ELF3: variants seen among roughly 807,000 people sequenced by gnomAD.
ELF3 encodes the protein ETS-related transcription factor Elf-3.
ELF3 carries 18 observed loss-of-function variants against 43.9 expected under a neutral mutation model. That is an observed-to-expected ratio of 0.41 (90% CI 0.28 to 0.61). The LOEUF (loss-of-function observed/expected upper bound fraction) is 0.61. Among genes scored for constraint, ELF3 ranks in the 20% least tolerant of loss-of-function variants. The pLI is 0.30. For synonymous variants in ELF3, 181 were observed against 190.2 expected (o/e 0.95, Z 0.40); for missense variants, 373 against 487.7 (o/e 0.76, Z 2.21).
rs1558274376 is a variant in ELF3 at position 202,013,713 on chromosome 1, G to C, written c.806-116G>C. On this transcript the variant is annotated intron_variant, in intron 7 of 8. Transcript: ENST00000367284. The surrounding 1 kb of genome is among the most constrained non-coding windows in gnomAD (Gnocchi z 5.7). ...CACAGAGGGCACTGCGGGGTCTCTG[G>C]AGAGGCTTGCTGCATGCTGTGGCCA... The C allele has an allele frequency of 1.1e-5, 13 of 1,186,012 alleles. No homozygotes were observed. The highest frequency in any genetic ancestry group is 1.5e-5 in the Non-Finnish European group (13 of 852,090). The allele number at this position is 1,186,012 out of a possible 1,614,324, so 73.5% of individuals were successfully genotyped here.
In ELF3 at chr1:202,010,821, G is replaced by A. The variant is rs915761799; in HGVS notation, c.-9+115G>A. ...CAGTCTAGGATCTCCGAGCAAGAGC[G>A]TAGGTGTCCTGAGGGTCAAAGAACA... On this transcript the variant is annotated intron_variant, in intron 1 of 8. Coordinates refer to ENST00000367284, the MANE Select transcript of ELF3 (RefSeq NM_004433.5). The surrounding 1 kb of genome is among the most constrained non-coding windows in gnomAD (Gnocchi z 4.3). The A allele has an allele frequency of 1.2e-5, 4 of 332,776 alleles. No individual in the cohort carries two copies. Among genetic ancestry groups the A allele is most frequent in the South Asian group, 3.1e-5 (1 of 32,204 alleles). 20.6% of individuals were successfully genotyped at this position (332,776 alleles called of 1,614,324 possible).
chr1:202,014,494 C>T (rs1249447154), intron 8 of ELF3, among the ~76,000 whole-genome samples: 7 of 152,154 alleles, frequency 4.6e-5, no homozygotes, highest in East Asian at 1.9e-4. Context: ...AGGGTCTCTA[C>T]GTTGGCCAGG....
rs1319220124 is a variant in ELF3 at position 202,010,671 on chromosome 1, C to CG, written c.-44_-43insG. ...CGGAACTGGATTTCTCTCCCGCCTG[C>CG]CGGCCTGCCTGCCACAGCCGGACTC... On this transcript the variant is annotated 5_prime_UTR_variant, in exon 1 of 9. Coordinates refer to ENST00000367284, the MANE Select transcript of ELF3 (RefSeq NM_004433.5). The surrounding 1 kb of genome is among the most constrained non-coding windows in gnomAD (Gnocchi z 4.3). 6.2e-6 allele frequency: 1 copy of CG among 161,584 alleles called. No homozygotes were observed. Among genetic ancestry groups the CG allele is most frequent in the Non-Finnish European group, 1.4e-5 (1 of 73,644 alleles). The allele number at this position is 161,584 out of a possible 1,614,324, so 10.0% of individuals were successfully genotyped here.
intron 8 of ELF3, chr1:202,014,991 G>T: frequency 1.9e-6 from 1 of 527,468 alleles, no homozygotes; most frequent in East Asian, 3.3e-5. Context: ...AAAGAGCCCT[G>T]TGTCCTGGGC....
chr1:202,015,808 A>G lies in ELF3; in HGVS notation c.*485A>G, dbSNP rs550949648. The G allele has an allele frequency of 5.9e-6, 1 of 170,340 alleles. No homozygotes were observed. Among genetic ancestry groups the G allele is most frequent in the South Asian group, 1.5e-4 (1 of 6,786 alleles). 10.6% of individuals were successfully genotyped at this position (170,340 alleles called of 1,614,324 possible). ...CAGAGCACTCCCTAATTTATGTGCT[A>G]TATAAATATGTCAGATGTACATAGA... On this transcript the variant is annotated 3_prime_UTR_variant, in exon 9 of 9. Transcript: ENST00000367284.
chr1:202,011,443 T>C, intron 2 of ELF3, 144 bp downstream of exon 2: 1 of 1,038,924 alleles, frequency 9.6e-7, no homozygotes, highest in Non-Finnish European at 1.3e-6. Flanking sequence ...ACTGAGGTGC[T>C]GGGGGTTGTG....
chr1:202,011,861 G>A (rs1684203816), intron 2 of ELF3, 96 bp from the exon 3 acceptor site: 5 of 1,212,896 alleles, frequency 4.1e-6, no homozygotes, highest in Middle Eastern at 2.9e-4. Flanking sequence ...TAGGTGACAG[G>A]AGTGAGACTC....
rs1394371648 is a variant in ELF3 at position 202,012,500 on chromosome 1, G to A, written c.478+64G>A. ...TGTCCCATCCCTGCCCCTCCACAGA[G>A]TGCTAGAGATGACCCCCTCCCCAGA... On this transcript the variant is annotated intron_variant, in intron 4 of 8. Coordinates refer to ENST00000367284, the MANE Select transcript of ELF3 (RefSeq NM_004433.5). This position sits in a 1 kb window ranked among gnomAD's most constrained non-coding sequence, Gnocchi z 4.2. 1.9e-6 allele frequency: 3 copies of A among 1,583,086 alleles called. No homozygotes were observed. Among genetic ancestry groups the A allele is most frequent in the African/African-American group, 1.4e-5 (1 of 73,606 alleles).
rs900586376 is a variant in ELF3, at chr1:202,012,331, C to G, written c.386-13C>G. The G allele has an allele frequency of 6.2e-6, 10 of 1,613,734 alleles. No homozygotes were observed. The highest frequency in any genetic ancestry group is 8.5e-6 in the Non-Finnish European group (10 of 1,179,892). Reference sequence around the variant, plus strand: ...GATTAGGGGAGTGTGACCCTTCCTTCCTTCCTTGTCAGCTTCCAGCTCTTC... The same window carrying G: ...GATTAGGGGAGTGTGACCCTTCCTTGCTTCCTTGTCAGCTTCCAGCTCTTC... On this transcript the variant is annotated splice_polypyrimidine_tract_variant and intron_variant, in intron 3 of 8. Transcript: ENST00000367284. The surrounding 1 kb of genome is among the most constrained non-coding windows in gnomAD (Gnocchi z 4.2).
Position 202,015,405 on chromosome 1 carries a change from G to T in ELF3, c.*82G>T. The T allele has an allele frequency of 7.5e-7, 1 of 1,340,492 alleles. No homozygotes were observed. Among genetic ancestry groups the T allele is most frequent in the Non-Finnish European group, 1.1e-6 (1 of 950,856 alleles). 83.0% of individuals were successfully genotyped at this position (1,340,492 alleles called of 1,614,324 possible). ...CCTGGGAGGACAGGCAGGCCAGATG[G>T]CCCCTCCACTGGGGAATGCTCCCAG... is the stretch of plus-strand genomic sequence containing the variant. On this transcript the variant is annotated 3_prime_UTR_variant, in exon 9 of 9. Transcript: ENST00000367284.
rs1684223745 is a variant in ELF3 at position 202,012,426 on chromosome 1, A to G, written c.468A>G (p.Pro156=). 1.9e-6 allele frequency: 3 copies of G among 1,613,914 alleles called. No homozygotes were observed. Among genetic ancestry groups the G allele is most frequent in the East Asian group, 4.5e-5 (2 of 44,870 alleles). The change falls in exon 4 of 9, where the codon CCA becomes CCG. Residue 156 remains proline (P), a synonymous_variant. Transcript: ENST00000367284. The surrounding 1 kb of genome is among the most constrained non-coding windows in gnomAD (Gnocchi z 4.2). The part of the protein sequence containing the change: ...DGMAFQEALD[P]GPFDQGSPFA... ...TGGCCTTCCAGGAGGCCCTAGACCC[A>G]GGGCCCTTTGGTGAGAACCCGTTTT... is the stretch of plus-strand genomic sequence containing the variant.
At chr1:202,014,109 C>T in intron 8 of ELF3, 85 bp downstream of exon 8, 3 of 1,462,498 alleles carry the variant, frequency 2.1e-6, no homozygotes, top group African/African-American at 1.4e-5. Flanking sequence ...CTGGCTGCCA[C>T]TTGGCTTCTT....
In ELF3 at chr1:202,015,749, C is replaced by T. The variant is rs915149234; in HGVS notation, c.*426C>T. The T allele has an allele frequency of 3.6e-5, 7 of 195,592 alleles. No homozygotes were observed. The highest frequency in any genetic ancestry group is 6.5e-5 in the Non-Finnish European group (6 of 92,746). The allele number at this position is 195,592 out of a possible 1,614,324, so 12.1% of individuals were successfully genotyped here. ...CTTCTTTCTGGACTGGCGTTCACCT[C>T]CCTGCTCAGTGCTTGGGCTCCACGG... On this transcript the variant is annotated 3_prime_UTR_variant, in exon 9 of 9. Transcript: ENST00000367284.
Position 202,012,641 on chromosome 1 carries a change from C to A in ELF3, c.480C>A (p.Asp160Glu). ...TGAGTTCTCACCTCCTCTTCCCAGA[C>A]CAGGGCAGCCCCTTTGCCCAGGAGC... Reference protein sequence around the residue: ...FQEALDPGPFDQGSPFAQELL... With the variant: ...FQEALDPGPFEQGSPFAQELL... Residue 160 changes from aspartate to glutamate, a missense_variant and splice_region_variant, in exon 5 of 9, where the codon GAC becomes GAA. Coordinates refer to ENST00000367284, the MANE Select transcript of ELF3 (RefSeq NM_004433.5). This position sits in a 1 kb window ranked among gnomAD's most constrained non-coding sequence, Gnocchi z 4.2. The A allele has an allele frequency of 6.3e-7, 1 of 1,594,376 alleles. No homozygotes were observed. The highest frequency in any genetic ancestry group is 1.1e-5 in the South Asian group (1 of 88,242).
chr1:202,012,487 GCCCCTCCACAGAGTGCTAGAGATGAC>G lies in ELF3; in HGVS notation c.478+59_478+84del. On this transcript the variant is annotated intron_variant, in intron 4 of 8. Coordinates refer to ENST00000367284, the MANE Select transcript of ELF3 (RefSeq NM_004433.5). This position sits in a 1 kb window ranked among gnomAD's most constrained non-coding sequence, Gnocchi z 4.2. ...CCCCAGCCTGTCTTGTCCCATCCCT[GCCCCTCCACAGAGTGCTAGAGATGAC>G]CCCCTCCCCAGACTTCTTCCTCCCT... 2 of 1,603,638 alleles carry G rather than the reference GCCCCTCCACAGAGTGCTAGAGATGAC, an allele frequency of 1.2e-6. No individual in the cohort carries two copies. Among genetic ancestry groups the G allele is most frequent in the South Asian group, 2.2e-5 (2 of 89,636 alleles).
At position 202,013,767 on chromosome 1, in the gene ELF3, C is replaced by T. The variant is rs950092532; in HGVS notation, c.806-62C>T. 2.6e-6 allele frequency: 4 copies of T among 1,540,872 alleles called. No homozygotes were observed. In the African/African-American group the frequency reaches 5.5e-5, roughly 21 times the overall value. ...CAGCAGTGCACTGGGGCGGGCAGGG[C>T]TGGCTGGCCTTGGGTGAGAGGGGAC... On this transcript the variant is annotated intron_variant, in intron 7 of 8. Transcript: ENST00000367284. The surrounding 1 kb of genome is among the most constrained non-coding windows in gnomAD (Gnocchi z 5.7).
chr1:202,012,884 GC>G lies in ELF3; in HGVS notation c.599-61del. 2 of 1,567,420 alleles carry G rather than the reference GC, an allele frequency of 1.3e-6. No individual in the cohort carries two copies. The highest frequency in any genetic ancestry group is 1.2e-5 in the South Asian group (1 of 81,874). On this transcript the variant is annotated intron_variant, in intron 5 of 8. Transcript: ENST00000367284. This position sits in a 1 kb window ranked among gnomAD's most constrained non-coding sequence, Gnocchi z 4.2. ...ACAGGCTGGGAAGTGTGTCCTGAGA[GC>G]CAGCAGCGTGGTTGAGCAGAGGGTG...
At chr1:202,011,536 G>T in intron 2 of ELF3, 3 of 525,946 alleles carry the variant, frequency 5.7e-6, no homozygotes, top group South Asian at 2.8e-5. Flanking sequence ...TCTTGGGATG[G>T]CTCCAAGGGC....
At position 202,013,167 on chromosome 1, in the gene ELF3, C is replaced by A. The variant is rs2102993326; in HGVS notation, c.689-15C>A. ...CCTCTTGCCCCTCCTTGACCTTCCA[C>A]CACCGTCCCCACAGATGGTTTTCGT... On this transcript the variant is annotated splice_polypyrimidine_tract_variant and intron_variant, in intron 6 of 8. Transcript: ENST00000367284. The surrounding 1 kb of genome is among the most constrained non-coding windows in gnomAD (Gnocchi z 5.7). The A allele has an allele frequency of 6.2e-7, 1 of 1,613,576 alleles. No homozygotes were observed. The highest frequency in any genetic ancestry group is 2.2e-5 in the East Asian group (1 of 44,866).
Sources: allele counts gnomAD v4.1 joint callset (sites outside exome capture counted in the v4.1 genomes callset), GRCh38; gene constraint gnomAD v4.1.1; non-coding constraint Gnocchi (gnomAD v3.1); transcripts MANE v1.5; gene names NCBI Gene and HGNC (gene_info 2026-07-23, HGNC 2026-07-21).